Variants in CDK5RAP2 observed in about 807,000 individuals in gnomAD.
CDK5RAP2 encodes the protein CDK5 regulatory subunit associated protein 2, also known as CDK5 regulatory subunit-associated protein 2.
Under a neutral mutation model 232.9 loss-of-function variants are expected in CDK5RAP2, and 147 were observed. That is an observed-to-expected ratio of 0.63 (90% confidence interval 0.55 to 0.72). The LOEUF (loss-of-function observed/expected upper bound fraction) is 0.72, where lower values mean the gene tolerates loss of function less well. Among genes scored for constraint, CDK5RAP2 ranks in the 30% least tolerant of loss-of-function variants. The probability of loss-of-function intolerance (pLI) is 0.00; values close to 1 mark genes in which losing one functional copy is unlikely to be tolerated. For missense variants in CDK5RAP2, 2,195 were observed against 2,231.5 expected (o/e 0.98, Z 0.33); for synonymous variants, 833 against 833.7 (o/e 1.00, Z 0.01).
chr9:120,444,548 G>C (rs1326417095), intron 22 of CDK5RAP2, among the ~76,000 whole-genome samples: 1 of 152,250 alleles, frequency 6.6e-6, no homozygotes, highest in Non-Finnish European at 1.5e-5. Context: ...CTGGATGATG[G>C]TTGAATGGAT....
In CDK5RAP2 at chr9:120,443,746, C is replaced by CA. The variant is rs772419177; in HGVS notation, c.3026-5dup. 6.2e-7 allele frequency: 1 copy of CA among 1,613,948 alleles called. No individual in the cohort carries two copies. The highest frequency in any genetic ancestry group is 1.7e-5 in the Admixed American group (1 of 60,008). On this transcript the variant is annotated splice_polypyrimidine_tract_variant and splice_region_variant and intron_variant, in intron 22 of 37. Transcript: ENST00000349780. ...GCTGCTCCCACAGGGGGCTGAGCTA[C>CA]AGGCAATCACAAAGAGAAAGAAAAA...
In CDK5RAP2 at chr9:120,404,051, C is replaced by T; in HGVS notation, c.5026G>A (p.Val1676Met). 6.2e-7 allele frequency: 1 copy of T among 1,612,542 alleles called. No individual in the cohort carries two copies. Among genetic ancestry groups the T allele is most frequent in the Non-Finnish European group, 8.5e-7 (1 of 1,178,484 alleles). ...AGCTTTGTACCTGATTTTGGTGTCA[C>T]TGCCTGGGAGGAATCAAACAGATCA... The part of the protein sequence containing the change: ...SFDLFDSSQA[V>M]TPKSVSETPP... Residue 1676 changes from valine to methionine, a missense_variant, in exon 33 of 38, where the codon GTG becomes ATG. By Grantham distance (21) the Val-to-Met change is conservative. Transcript: ENST00000349780.
chr9:120,418,609 A>C (rs2034379054), intron 27 of CDK5RAP2, among the ~76,000 whole-genome samples: 1 of 152,204 alleles, frequency 6.6e-6, no homozygotes, highest in East Asian at 1.9e-4. Flanking sequence ...TAAATTTGGG[A>C]AAGGCAGAAT....
At chr9:120,503,085 T>G (rs946268264) in intron 12 of CDK5RAP2, among the ~76,000 whole-genome samples, 1 of 152,252 alleles carries the variant, frequency 6.6e-6, no homozygotes, top group Non-Finnish European at 1.5e-5. Flanking sequence ...CCAGTCAGTG[T>G]GACCCCAAAT....
At chr9:120,460,497 T>C in intron 19 of CDK5RAP2, 75 bp downstream of exon 19, 3 of 1,369,436 alleles carry the variant, frequency 2.2e-6, no homozygotes, top group Middle Eastern at 1.8e-4. Flanking sequence ...CCCACTGGAC[T>C]CATTCCAGAC....
In CDK5RAP2 at chr9:120,467,994, T is replaced by C. The variant is rs149477525; in HGVS notation, c.1972A>G (p.Ser658Gly). The stretch of plus-strand genomic sequence containing the variant: ...TCCTTCACTAGCTGTATAAGGTCAC[T>C]GACCTAGGAGGTAAGAACAGGGAAA... ...FSQEELKKKV[S>G]DLIQLVKELY... The change falls in exon 18 of 38, where the codon AGT (serine) becomes GGT (glycine). Residue 658 changes from serine to glycine, a missense_variant. By Grantham distance (56) the Ser-to-Gly change is moderately conservative. Coordinates refer to ENST00000349780, the MANE Select transcript of CDK5RAP2 (RefSeq NM_018249.6). 10 of 1,614,072 alleles carry C rather than the reference T, an allele frequency of 6.2e-6. No homozygotes were observed. The highest frequency in any genetic ancestry group is 3.3e-4 in the Middle Eastern group (2 of 6,062).
intron 5 of CDK5RAP2, among the ~76,000 whole-genome samples, chr9:120,543,024 T>A (rs1347888970): frequency 6.6e-6 from 1 of 152,170 alleles, no homozygotes; most frequent in Non-Finnish European, 1.5e-5. Context: ...TTAGCATCCA[T>A]GAACTGTGTT....
At chr9:120,406,736 G>C in intron 32 of CDK5RAP2, 1 of 519,442 alleles carries the variant, frequency 1.9e-6, no homozygotes, top group South Asian at 2.8e-5. Flanking sequence ...GGACTAAATG[G>C]ATAGGAGGGA....
chr9:120,498,627 A>G (rs1452646021), intron 12 of CDK5RAP2, among the ~76,000 whole-genome samples: 2 of 152,158 alleles, frequency 1.3e-5, no homozygotes, highest in African/African-American at 4.8e-5. Flanking sequence ...GTAATGCAAA[A>G]TGTTAACACT....
At chr9:120,452,542 T>G (rs1371338874) in intron 21 of CDK5RAP2, among the ~76,000 whole-genome samples, 1 of 151,846 alleles carries the variant, frequency 6.6e-6, no homozygotes. Context: ...ACGACCTATT[T>G]CCTTCTCTCC....
Position 120,539,627 on chromosome 9 carries a change from C to CAA in CDK5RAP2, c.384-465_384-464dup, listed in dbSNP as rs564912364. Among the ~76,000 whole-genome samples the CAA allele has an allele frequency of 2.0e-4, 31 of 152,310 alleles. No individual in the cohort carries two copies. In the South Asian group the frequency reaches 6.4e-3, roughly 32 times the overall value. Reference sequence around the variant, plus strand: ...TTAACACATTGTATCTGACGATACTCAAAGTTCTGACAACAGTGCCTGGTA... The same window carrying CAA: ...TTAACACATTGTATCTGACGATACTCAAAAAGTTCTGACAACAGTGCCTGGTA... On this transcript the variant is annotated intron_variant, in intron 5 of 37. Coordinates refer to ENST00000349780, the MANE Select transcript of CDK5RAP2 (RefSeq NM_018249.6).
chr9:120,469,522 C>T (rs2037571467), intron 17 of CDK5RAP2, among the ~76,000 whole-genome samples: 1 of 152,194 alleles, frequency 6.6e-6, no homozygotes, highest in Non-Finnish European at 1.5e-5. Context: ...CTCAAACCTC[C>T]TATTTCTAAG....
chr9:120,402,818 C>G lies in CDK5RAP2; in HGVS notation c.5295G>C (p.Glu1765Asp), dbSNP rs199918999. The G allele has an allele frequency of 7.7e-5, 124 of 1,614,024 alleles. No homozygotes were observed. In the East Asian group the frequency reaches 2.2e-3, roughly 29 times the overall value. Reference sequence around the variant, plus strand: ...GTGGTCAGGTTACCTTTGTTCCCAGCTCTTGACTTGTGGAGCTGGGAGCCT... The same window carrying G: ...GTGGTCAGGTTACCTTTGTTCCCAGGTCTTGACTTGTGGAGCTGGGAGCCT... ...TQEAPSSTSQ[E>D]LGTKGPHPAP... The change falls in exon 34 of 38, where the codon GAG (glutamate) becomes GAC (aspartate). Residue 1765 changes from glutamate (E) to aspartate (D), a missense_variant. Physicochemically the swap from Glu to Asp is conservative, Grantham distance 45. Coordinates refer to ENST00000349780, the MANE Select transcript of CDK5RAP2 (RefSeq NM_018249.6).
intron 20 of CDK5RAP2, among the ~76,000 whole-genome samples, chr9:120,457,704 G>A (rs548213748): frequency 8.5e-5 from 13 of 152,276 alleles, no homozygotes; most frequent in African/African-American, 7.2e-5. Flanking sequence ...AATCATTACC[G>A]TTCCATTTCT....
At chr9:120,444,484 G>A (rs1029764339) in intron 22 of CDK5RAP2, among the ~76,000 whole-genome samples, 4 of 152,220 alleles carry the variant, frequency 2.6e-5, no homozygotes, top group African/African-American at 9.7e-5. Flanking sequence ...AGTGCATGAG[G>A]CTGGAAACAT....
At chr9:120,401,610 C>CAAAAAAAAAAAA (rs142588120) in intron 34 of CDK5RAP2, among the ~76,000 whole-genome samples, 2 of 61,516 alleles carry the variant, frequency 3.3e-5, no homozygotes, top group African/African-American at 5.9e-5. Flanking sequence ...GACCCTGTCT[C>CAAAAAAAAAAAA]AAAAAAAAAA....
chr9:120,513,151 C>T (rs1406286621), intron 12 of CDK5RAP2, among the ~76,000 whole-genome samples: 1 of 152,294 alleles, frequency 6.6e-6, no homozygotes, highest in South Asian at 2.1e-4. Flanking sequence ...ACCTGAGCAT[C>T]CCCATTACAG....
chr9:120,496,269 C>T (rs868511482), intron 12 of CDK5RAP2, among the ~76,000 whole-genome samples: 9,376 of 69,646 alleles, frequency 0.13, no homozygotes, highest in Admixed American at 0.19. Context: ...TCTGCCCGGC[C>T]GCCCCTACTG....
chr9:120,545,763 T>C lies in CDK5RAP2; in HGVS notation c.334A>G (p.Ser112Gly). Residue 112 changes from serine to glycine, a missense_variant, in exon 5 of 38, where the codon AGT becomes GGT. Transcript: ENST00000349780. ...CTCTCCTGGAGTTCCCGCTTCAGACTTTCTACTTCCACCTTGAGCTCAATG... is the reference window on the plus strand; with the variant it reads ...CTCTCCTGGAGTTCCCGCTTCAGACCTTCTACTTCCACCTTGAGCTCAATG... ...TNIELKVEVESLKRELQEREQ... is the reference protein window; with the variant it reads ...TNIELKVEVEGLKRELQEREQ... 1 of 1,613,920 alleles carries C rather than the reference T, an allele frequency of 6.2e-7. No homozygotes were observed. Among genetic ancestry groups the C allele is most frequent in the Non-Finnish European group, 8.5e-7 (1 of 1,179,820 alleles).
Sources: gnomAD v4.1 joint callset for allele counts (sites outside exome capture counted in the v4.1 genomes callset) on GRCh38, gnomAD v4.1.1 for gene constraint, MANE v1.5 for transcripts, NCBI Gene and HGNC (gene_info 2026-07-23, HGNC 2026-07-21) for gene names.